The following VWCE variants were observed in gnomAD, a reference collection of about 807,000 sequenced individuals.
The protein encoded by VWCE is von Willebrand factor C and EGF domains.
A neutral mutation model predicts 102.9 loss-of-function variants in VWCE; 68 were observed. The ratio of observed to expected loss-of-function variants is 0.66; its 90% CI spans 0.54 to 0.81. The LOEUF is 0.81. Among genes scored for constraint, VWCE ranks in the 30% least tolerant of loss-of-function variants. The probability of loss-of-function intolerance (pLI) is 0.00; values close to 1 mark genes in which losing one functional copy is unlikely to be tolerated. For missense variants in VWCE, 1,137 were observed against 1,263.6 expected (o/e 0.90, Z 1.52); for synonymous variants, 497 against 515.4 (o/e 0.96, Z 0.48).
At chr11:61,269,294 C>T (rs958646920) in intron 14 of VWCE, 7 of 452,604 alleles carry the variant, frequency 1.5e-5, no homozygotes, top group Middle Eastern at 6.2e-4. Flanking sequence ...AAGCCTGCAC[C>T]GTCACCACCA....
At chr11:61,279,734 T>G (rs1855056473) in intron 9 of VWCE, among the ~76,000 whole-genome samples, 1 of 151,996 alleles carries the variant, frequency 6.6e-6, no homozygotes, top group South Asian at 2.1e-4. Flanking sequence ...CTTTTTTTCT[T>G]TTTTCTTTTT....
At chr11:61,291,886 T>C (rs1212950313) in intron 1 of VWCE, among the ~76,000 whole-genome samples, 2 of 152,040 alleles carry the variant, frequency 1.3e-5, no homozygotes, top group East Asian at 3.9e-4. Context: ...GCCCCAGGGG[T>C]GGCTGCCTCA....
chr11:61,264,924 G>A (rs1379356826), intron 18 of VWCE, 32 bp downstream of exon 18: 3 of 1,610,854 alleles, frequency 1.9e-6, no homozygotes, highest in Admixed American at 1.7e-5. Flanking sequence ...CCCTCTGGCG[G>A]GGCCGCTCCT....
At chr11:61,261,188 C>G (rs921623742) in intron 19 of VWCE, among the ~76,000 whole-genome samples, 5 of 151,336 alleles carry the variant, frequency 3.3e-5, no homozygotes, top group African/African-American at 1.2e-4. Context: ...CCACTGCACT[C>G]CAGCCTGGAC....
In VWCE at chr11:61,258,517, G is replaced by A; in HGVS notation, c.*158C>T. Reference sequence around the variant, plus strand: ...CATTCCAAACACTTCTTGGGAACAAGGTTACATCCAGCCTTGGGGGTCTTC... The same window carrying A: ...CATTCCAAACACTTCTTGGGAACAAAGTTACATCCAGCCTTGGGGGTCTTC... On this transcript the variant is annotated 3_prime_UTR_variant, in exon 20 of 20. Coordinates refer to ENST00000335613, the MANE Select transcript of VWCE (RefSeq NM_152718.2). 1.5e-6 allele frequency: 1 copy of A among 686,460 alleles called. No individual in the cohort carries two copies. Among genetic ancestry groups the A allele is most frequent in the Non-Finnish European group, 2.0e-6 (1 of 487,992 alleles). The allele number at this position is 686,460 out of a possible 1,614,324, so 42.5% of individuals were successfully genotyped here.
At chr11:61,293,283 G>A (rs1301510501) in intron 1 of VWCE, among the ~76,000 whole-genome samples, 1 of 150,052 alleles carries the variant, frequency 6.7e-6, no homozygotes, top group African/African-American at 2.5e-5. Flanking sequence ...CAGGTGTGGT[G>A]GCATGTGCCT....
At chr11:61,276,391 G>A (rs557416584) in intron 11 of VWCE, among the ~76,000 whole-genome samples, 2 of 144,030 alleles carry the variant, frequency 1.4e-5, no homozygotes, top group South Asian at 4.4e-4. Context: ...CTCCAGCCTG[G>A]AAAGCAAGTC....
At position 61,273,139 on chromosome 11, in the gene VWCE, A is replaced by G. The variant is rs565807784; in HGVS notation, c.1699+60T>C. 60 of 1,538,568 alleles carry G rather than the reference A, an allele frequency of 3.9e-5. 1 individual carries two copies. Among genetic ancestry groups the G allele is most frequent in the Admixed American group, 2.9e-4 (17 of 59,640 alleles). ...CACCAGCAGTCTCAGCAGCAGGTGA[A>G]GCTCAGCCTCTCTCCCCAGTATCCA... On this transcript the variant is annotated intron_variant, in intron 13 of 19. Transcript: ENST00000335613.
At chr11:61,277,710 C>T (rs1180077962) in intron 10 of VWCE, among the ~76,000 whole-genome samples, 1 of 152,168 alleles carries the variant, frequency 6.6e-6, no homozygotes, top group Non-Finnish European at 1.5e-5. Context: ...CCACCTCCCA[C>T]CCTCTGTCTT....
At chr11:61,280,169 G>C (rs985728578) in intron 9 of VWCE, among the ~76,000 whole-genome samples, 2 of 151,964 alleles carry the variant, frequency 1.3e-5, no homozygotes, top group Non-Finnish European at 2.9e-5. Context: ...AGATGGCGGG[G>C]GCGAGTCAAA....
intron 19 of VWCE, among the ~76,000 whole-genome samples, chr11:61,260,115 C>T (rs1468053855): frequency 2.0e-5 from 3 of 152,146 alleles, no homozygotes; most frequent in South Asian, 2.1e-4. Context: ...CTTAACCGGA[C>T]GTGGTGGCGC....
intron 15 of VWCE, among the ~76,000 whole-genome samples, chr11:61,268,467 T>C (rs977770937): frequency 1.3e-5 from 2 of 152,124 alleles, no homozygotes. Context: ...GGCAGGAGAA[T>C]CACTTGAACC....
At chr11:61,268,371 T>C (rs1312181785) in intron 15 of VWCE, among the ~76,000 whole-genome samples, 1 of 152,072 alleles carries the variant, frequency 6.6e-6, no homozygotes, top group African/African-American at 2.4e-5. Context: ...CTGGCCAACA[T>C]GGTGAAACCC....
At chr11:61,289,725 C>G (rs1350314157) in intron 4 of VWCE, among the ~76,000 whole-genome samples, 1 of 152,112 alleles carries the variant, frequency 6.6e-6, no homozygotes, top group Non-Finnish European at 1.5e-5. Context: ...CAGACACACC[C>G]AGGGAAAAGG....
At chr11:61,262,095 AG>A (rs1286812726) in intron 19 of VWCE, among the ~76,000 whole-genome samples, 1 of 152,176 alleles carries the variant, frequency 6.6e-6, no homozygotes, top group Admixed American at 6.5e-5. Flanking sequence ...CTGAGATTAC[AG>A]GTGTGCACCA....
At chr11:61,282,296 G>A (rs2134821398) in intron 6 of VWCE, among the ~76,000 whole-genome samples, 1 of 152,292 alleles carries the variant, frequency 6.6e-6, no homozygotes, top group Middle Eastern at 3.4e-3. Context: ...AAGGCTTCGG[G>A]ACAAATACCT....
intron 19 of VWCE, among the ~76,000 whole-genome samples, chr11:61,261,989 C>G (rs755970801): frequency 5.3e-5 from 8 of 152,214 alleles, no homozygotes; most frequent in Non-Finnish European, 1.0e-4. Flanking sequence ...GAGTCTTGCT[C>G]TGTTGCCCAG....
intron 19 of VWCE, among the ~76,000 whole-genome samples, chr11:61,264,142 C>T (rs1854436515): frequency 7.2e-6 from 1 of 138,304 alleles, no homozygotes; most frequent in Non-Finnish European, 1.5e-5. Context: ...AGGAGAATGG[C>T]GTGAACCCGG....
In VWCE at chr11:61,281,183, G is replaced by T. The variant is rs763219208; in HGVS notation, c.840C>A (p.His280Gln). The T allele has an allele frequency of 2.0e-5, 33 of 1,613,294 alleles. No homozygotes were observed. Among genetic ancestry groups the T allele is most frequent in the Non-Finnish European group, 2.8e-5 (33 of 1,180,026 alleles). The change falls in exon 8 of 20, where the codon CAC (histidine) becomes CAA (glutamine). Residue 280 changes from histidine (H) to glutamine (Q), a missense_variant. By Grantham distance (24) the His-to-Gln change is conservative (BLOSUM62 0). Around this residue, in one of 5 missense-constraint regions of VWCE, gnomAD observed 575 missense variants for 625.9 expected, o/e 0.92. Coordinates refer to ENST00000335613, the MANE Select transcript of VWCE (RefSeq NM_152718.2). The part of the protein sequence containing the change: ...APSAILQPRQ[H>Q]PSKMLLLLPE... ...GAAGCAACAGAAGCATCTTGGACGG[G>T]TGTTGCCGGGGTTGCAGGATGGCAG...
Sources: allele counts gnomAD v4.1 joint callset (sites outside exome capture counted in the v4.1 genomes callset), GRCh38; gene constraint gnomAD v4.1.1; regional missense constraint gnomAD v4.1.1; transcripts MANE v1.5; gene names NCBI Gene and HGNC (gene_info 2026-07-23, HGNC 2026-07-21).